EYS: variants seen among roughly 807,000 people sequenced by gnomAD.
EYS encodes the protein protein eyes shut homolog.
Under a neutral mutation model 282.1 loss-of-function variants are expected in EYS, and 250 were observed. The ratio of observed to expected loss-of-function variants is 0.89; its 90% CI spans 0.80 to 0.98. The LOEUF is 0.98. EYS is among the 50% of genes least tolerant of loss of function. The pLI is 0.00. For synonymous variants in EYS, 1,355 were observed against 1,282.9 expected (o/e 1.06, Z -1.20); for missense variants, 4,016 against 3,709.0 (o/e 1.08, Z -2.15).
rs1238610566 is a variant in EYS, at chr6:64,151,300, C to A, written c.6425-69298G>T. On this transcript the variant is annotated intron_variant, in intron 31 of 42. Transcript: ENST00000503581. ...CAGTGGAAATATATATGTTTTCACA[C>A]GTGTGTGTGTGTATATTTATATATA... Among the ~76,000 whole-genome samples the A allele has an allele frequency of 1.6e-3, 163 of 99,212 alleles. 2 individuals are homozygous for A. Among genetic ancestry groups the A allele is most frequent in the African/African-American group, 6.4e-3 (157 of 24,574 alleles). 65.1% of individuals were successfully genotyped at this position (99,212 alleles called of 152,430 possible).
intron 29 of EYS, among the ~76,000 whole-genome samples, chr6:64,383,463 G>T (rs1234558853): frequency 5.9e-5 from 9 of 152,226 alleles, no homozygotes; most frequent in African/African-American, 2.2e-4. Flanking sequence ...CAGCAGAATA[G>T]ACACCAGATG....
chr6:65,492,009 A>C (rs1365863391), intron 4 of EYS, among the ~76,000 whole-genome samples: 2 of 152,174 alleles, frequency 1.3e-5, no homozygotes, highest in Non-Finnish European at 2.9e-5. Context: ...CATATCTGCC[A>C]ATCTTTGACT....
chr6:65,550,969 T>C, intron 2 of EYS, among the ~76,000 whole-genome samples: 1 of 41,628 alleles, frequency 2.4e-5, no homozygotes, highest in Non-Finnish European at 3.6e-5. Context: ...TGTAAAAGTG[T>C]TCCTATTTCT....
At chr6:65,366,484 CT>C (rs1764917652) in intron 8 of EYS, among the ~76,000 whole-genome samples, 1 of 151,830 alleles carries the variant, frequency 6.6e-6, no homozygotes, top group Non-Finnish European at 1.5e-5. Context: ...TGATTGACTT[CT>C]TTTGTGTATT....
At chr6:64,043,155 T>G (rs1271119512) in intron 33 of EYS, among the ~76,000 whole-genome samples, 1 of 152,232 alleles carries the variant, frequency 6.6e-6, no homozygotes, top group African/African-American at 2.4e-5. Flanking sequence ...AATAGACATT[T>G]TTTAAACTAA....
At chr6:64,509,318 G>C (rs1368238111) in intron 26 of EYS, among the ~76,000 whole-genome samples, 2 of 152,096 alleles carry the variant, frequency 1.3e-5, no homozygotes, top group Non-Finnish European at 2.9e-5. Context: ...CGACTTGTCT[G>C]CCTGACAGTG....
At position 65,005,206 on chromosome 6, in the gene EYS, G is replaced by T. The variant is rs764200170; in HGVS notation, c.2138-7503C>A. ...TCCGCTGTGCTCCTGATCCAGCGAGGCGCCCATTGCCACTCCCGATCGGGC... is the reference window on the plus strand; with the variant it reads ...TCCGCTGTGCTCCTGATCCAGCGAGTCGCCCATTGCCACTCCCGATCGGGC... On this transcript the variant is annotated intron_variant, in intron 13 of 42. Transcript: ENST00000503581. Among the ~76,000 whole-genome samples the T allele has an allele frequency of 8.1e-5, 12 of 148,050 alleles. 1 individual carries two copies. Among genetic ancestry groups the T allele is most frequent in the Non-Finnish European group, 1.1e-4 (7 of 65,994 alleles).
intron 22 of EYS, 63 bp from the exon 23 acceptor site, chr6:64,626,308 A>G: frequency 6.8e-7 from 1 of 1,479,854 alleles, no homozygotes; most frequent in Non-Finnish European, 8.9e-7. Context: ...ATCACTTTTC[A>G]TCTTGGGATT....
chr6:63,927,021 G>A lies in EYS; in HGVS notation c.7055+57362C>T, dbSNP rs117414635. Among the ~76,000 whole-genome samples the A allele has an allele frequency of 6.6e-5, 10 of 152,202 alleles. No homozygotes were observed. The South Asian group carries it at 8.3e-4, about 13-fold the overall frequency. ...TTGGGAGAAAGATTGGGTGGGTGTC[G>A]TTATGCTCATTTTCTGTGAATTGGA... On this transcript the variant is annotated intron_variant, in intron 35 of 42. Coordinates refer to ENST00000503581, the MANE Select transcript of EYS (RefSeq NM_001142800.2).
chr6:64,798,503 C>T (rs1774429354), intron 22 of EYS, among the ~76,000 whole-genome samples: 2 of 151,354 alleles, frequency 1.3e-5, no homozygotes. Flanking sequence ...CGACGGATGC[C>T]ATGTTATCCA....
chr6:64,328,665 G>T (rs920970868), intron 29 of EYS, among the ~76,000 whole-genome samples: 1 of 152,140 alleles, frequency 6.6e-6, no homozygotes, highest in Non-Finnish European at 1.5e-5. Flanking sequence ...AATAACCCAG[G>T]TTATCTATGT....
chr6:65,220,263 C>T (rs1766427070), intron 12 of EYS, among the ~76,000 whole-genome samples: 1 of 151,918 alleles, frequency 6.6e-6, no homozygotes. Context: ...AAAAAAAATT[C>T]ACTCTTCATT....
chr6:64,797,248 C>T (rs975506093), intron 22 of EYS, among the ~76,000 whole-genome samples: 2 of 151,808 alleles, frequency 1.3e-5, no homozygotes, highest in African/African-American at 4.8e-5. Flanking sequence ...CAAGAATACC[C>T]GTACTCTTTA....
chr6:64,801,840 T>G (rs1276442809), intron 22 of EYS, among the ~76,000 whole-genome samples: 1 of 151,992 alleles, frequency 6.6e-6, no homozygotes, highest in Non-Finnish European at 1.5e-5. Context: ...GAAAGAAATG[T>G]ACCATACCCG....
intron 26 of EYS, among the ~76,000 whole-genome samples, chr6:64,535,825 T>A (rs1382433730): frequency 6.6e-6 from 1 of 152,068 alleles, no homozygotes; most frequent in African/African-American, 2.4e-5. Flanking sequence ...TTTAAGGGAG[T>A]ATGCTATCTT....
intron 30 of EYS, among the ~76,000 whole-genome samples, chr6:64,244,382 G>C (rs1040117883): frequency 6.6e-6 from 1 of 152,092 alleles, no homozygotes; most frequent in Non-Finnish European, 1.5e-5. Flanking sequence ...GTTAAGTCCA[G>C]TTATCAGTTC....
At chr6:63,959,730 G>A (rs1334186490) in intron 35 of EYS, among the ~76,000 whole-genome samples, 1 of 152,126 alleles carries the variant, frequency 6.6e-6, no homozygotes, top group Non-Finnish European at 1.5e-5. Flanking sequence ...GATGAAGCTG[G>A]AAGCCATCAT....
At chr6:64,131,832 C>T (rs1225219671) in intron 31 of EYS, among the ~76,000 whole-genome samples, 1 of 152,166 alleles carries the variant, frequency 6.6e-6, no homozygotes, top group East Asian at 1.9e-4. Context: ...AGAAATCATA[C>T]ATGGTGCCAT....
At chr6:64,743,467 T>G (rs1366822973) in intron 22 of EYS, among the ~76,000 whole-genome samples, 1 of 151,084 alleles carries the variant, frequency 6.6e-6, no homozygotes, top group Non-Finnish European at 1.5e-5. Flanking sequence ...TACTGTCAAT[T>G]TTCAATTTTT....
Sources: gnomAD v4.1 joint callset for allele counts (sites outside exome capture counted in the v4.1 genomes callset) on GRCh38, gnomAD v4.1.1 for gene constraint, MANE v1.5 for transcripts, NCBI Gene and HGNC (gene_info 2026-07-23, HGNC 2026-07-21) for gene names.